The following IL1RAPL1 variants were observed in gnomAD, a reference collection of about 807,000 sequenced individuals.
IL1RAPL1 encodes interleukin-1 receptor accessory protein-like 1.
Under a neutral mutation model 48.4 loss-of-function variants are expected in IL1RAPL1, and 3 were observed. The ratio of observed to expected loss-of-function variants is 0.06; its 90% CI spans 0.03 to 0.16. The LOEUF is 0.16. Among genes scored for constraint, IL1RAPL1 ranks in the 10% least tolerant of loss-of-function variants. IL1RAPL1 has a pLI of 1.00. For missense variants in IL1RAPL1, 349 were observed against 530.6 expected (o/e 0.66, Z 3.36); for synonymous variants, 185 against 187.7 (o/e 0.99, Z 0.12).
chrX:28,682,989 G>C (rs1935078173), intron 1 of IL1RAPL1, among the ~76,000 whole-genome samples: 1 of 112,039 alleles, frequency 8.9e-6, no homozygotes, highest in African/African-American at 3.2e-5. Context: ...AAATTCCCTA[G>C]TTTACAATTG....
Position 29,686,620 on chromosome X carries a change from C to T in IL1RAPL1, c.778+18116C>T, listed in dbSNP as rs12688711. 4.7e-4 allele frequency among the ~76,000 whole-genome samples: 50 copies of T among 107,431 alleles called. No individual in the cohort carries two copies. The South Asian group carries it at 0.016, about 33-fold the overall frequency. 93.3% of individuals were successfully genotyped at this position (107,431 alleles called of 115,157 possible). On this transcript the variant is annotated intron_variant, in intron 6 of 10. Transcript: ENST00000378993. Reference sequence around the variant, plus strand: ...TCGCCCAGGCTGCAGTGCAGTGGTGCGATCTCAGCTCACTGCAAGCTCCGC... The same window carrying T: ...TCGCCCAGGCTGCAGTGCAGTGGTGTGATCTCAGCTCACTGCAAGCTCCGC...
chrX:28,897,395 G>C (rs1339361336), intron 2 of IL1RAPL1, among the ~76,000 whole-genome samples: 2 of 112,049 alleles, frequency 1.8e-5, no homozygotes, highest in African/African-American at 6.5e-5. Flanking sequence ...CAGCACGGGA[G>C]TTTTGGGTCC....
chrX:29,116,032 TTC>T (rs1256624402), intron 2 of IL1RAPL1, among the ~76,000 whole-genome samples: 1 of 111,529 alleles, frequency 9.0e-6, no homozygotes, highest in African/African-American at 3.2e-5. Flanking sequence ...GAATAATAAC[TTC>T]TCTCTCATTG....
At chrX:29,207,716 T>C (rs1172431366) in intron 2 of IL1RAPL1, among the ~76,000 whole-genome samples, 3 of 111,632 alleles carry the variant, frequency 2.7e-5, no homozygotes, top group African/African-American at 9.8e-5. Context: ...CTGCTTTGAC[T>C]TCATTATAGA....
chrX:28,796,854 C>T (rs1440428720), intron 2 of IL1RAPL1, among the ~76,000 whole-genome samples: 1 of 112,376 alleles, frequency 8.9e-6, no homozygotes, highest in African/African-American at 3.2e-5. Context: ...CCCCACATTT[C>T]TCTTCTGCAT....
intron 6 of IL1RAPL1, among the ~76,000 whole-genome samples, chrX:29,766,822 T>C (rs1333474554): frequency 9.4e-6 from 1 of 106,481 alleles, no homozygotes; most frequent in Non-Finnish European, 1.9e-5. Context: ...TTTTTATATA[T>C]CTGGCTGAAT....
intron 5 of IL1RAPL1, among the ~76,000 whole-genome samples, chrX:29,456,157 A>C (rs1191113070): frequency 8.9e-6 from 1 of 112,633 alleles, no homozygotes; most frequent in Non-Finnish European, 1.9e-5. Flanking sequence ...GAATTAGAAC[A>C]TCTTACGACA....
chrX:29,512,592 T>C (rs1422255510), intron 5 of IL1RAPL1, among the ~76,000 whole-genome samples: 1 of 111,974 alleles, frequency 8.9e-6, no homozygotes, highest in Admixed American at 9.5e-5. Context: ...AAAGACTGTT[T>C]AGAAGGTTAA....
intron 5 of IL1RAPL1, among the ~76,000 whole-genome samples, chrX:29,440,848 G>A (rs1330886999): frequency 8.9e-6 from 1 of 111,776 alleles, no homozygotes; most frequent in Non-Finnish European, 1.9e-5. Flanking sequence ...AAATTTTACA[G>A]TTATTACTTG....
In IL1RAPL1 at chrX:29,163,617, G is replaced by T. The variant is rs148279611; in HGVS notation, c.83-119321G>T. Among the ~76,000 whole-genome samples, 161 of 111,195 alleles carry T rather than the reference G, an allele frequency of 1.4e-3. 1 individual carries two copies. The highest frequency in any genetic ancestry group is 5.0e-3 in the African/African-American group (154 of 30,615). On this transcript the variant is annotated intron_variant, in intron 2 of 10. Coordinates refer to ENST00000378993, the MANE Select transcript of IL1RAPL1 (RefSeq NM_014271.4). ...GAGAGGTAATAAGACCTCTGAAGTA[G>T]GACATGGCAGTAGACACAGAAAAGG...
intron 5 of IL1RAPL1, among the ~76,000 whole-genome samples, chrX:29,475,680 A>C (rs1934964981): frequency 8.9e-6 from 1 of 111,808 alleles, no homozygotes; most frequent in African/African-American, 3.2e-5. Flanking sequence ...TTTCAGAGCA[A>C]GTTTTATATG....
chrX:28,727,893 G>A (rs1935699433), intron 1 of IL1RAPL1, among the ~76,000 whole-genome samples: 2 of 108,364 alleles, frequency 1.8e-5, no homozygotes, highest in African/African-American at 3.4e-5. Flanking sequence ...ACACAGGAAG[G>A]GGAACATCAC....
At chrX:28,698,336 T>TTCACCTTCCCTGAGCTC (rs1283363624) in intron 1 of IL1RAPL1, among the ~76,000 whole-genome samples, 1 of 111,350 alleles carries the variant, frequency 9.0e-6, no homozygotes, top group African/African-American at 3.3e-5. Context: ...TAATTAAGCA[T>TTCACCTTCCCTGAGCTC]TCACCTTCCC....
At position 29,097,340 on chromosome X, in the gene IL1RAPL1, T is replaced by G. The variant is rs767765074; in HGVS notation, c.83-185598T>G. 3.6e-5 allele frequency among the ~76,000 whole-genome samples: 4 copies of G among 111,894 alleles called. No individual in the cohort carries two copies. In the East Asian group the frequency reaches 1.1e-3, roughly 31 times the overall value. ...CAGTTAATTATACGCTGATAGAGAT[T>G]TTAGATGGACTCTTGGAACTCCAAG... On this transcript the variant is annotated intron_variant, in intron 2 of 10. Coordinates refer to ENST00000378993, the MANE Select transcript of IL1RAPL1 (RefSeq NM_014271.4).
At chrX:29,676,869 A>G (rs981969327) in intron 6 of IL1RAPL1, among the ~76,000 whole-genome samples, 2 of 112,081 alleles carry the variant, frequency 1.8e-5, no homozygotes, top group Admixed American at 9.5e-5. Context: ...CTGTTATCAC[A>G]AAGCTTTCTA....
intron 1 of IL1RAPL1, among the ~76,000 whole-genome samples, chrX:28,685,282 A>C (rs1935098557): frequency 1.8e-5 from 2 of 112,256 alleles, no homozygotes; most frequent in South Asian, 7.3e-4. Context: ...ATCTCAAGCC[A>C]TCTTTATCTT....
At chrX:28,907,882 TAGA>T (rs1923260465) in intron 2 of IL1RAPL1, among the ~76,000 whole-genome samples, 1 of 112,056 alleles carries the variant, frequency 8.9e-6, no homozygotes, top group Admixed American at 9.5e-5. Flanking sequence ...CTTTTGTTCT[TAGA>T]AGGTTATTAG....
At chrX:29,890,296 G>A (rs1932250988) in intron 6 of IL1RAPL1, among the ~76,000 whole-genome samples, 1 of 111,490 alleles carries the variant, frequency 9.0e-6, no homozygotes, top group South Asian at 3.8e-4. Flanking sequence ...TAGTTAAATC[G>A]GCATCCAAGG....
chrX:29,122,888 A>T (rs1928823768), intron 2 of IL1RAPL1, among the ~76,000 whole-genome samples: 1 of 111,438 alleles, frequency 9.0e-6, no homozygotes. Context: ...TTAGGCAAAG[A>T]AGCAGTAATT....
Sources: allele counts gnomAD v4.1 joint callset (sites outside exome capture counted in the v4.1 genomes callset), GRCh38; gene constraint gnomAD v4.1.1; transcripts MANE v1.5; gene names NCBI Gene and HGNC (gene_info 2026-07-23, HGNC 2026-07-21).